Variants in PKHD1 observed in about 807,000 individuals in gnomAD.
PKHD1 encodes the protein PKHD1 ciliary IPT domain containing fibrocystin/polyductin.
A neutral mutation model predicts 412.0 loss-of-function variants in PKHD1; 291 were observed. The ratio of observed to expected loss-of-function variants is 0.71; its 90% CI spans 0.64 to 0.78. The LOEUF (loss-of-function observed/expected upper bound fraction) is 0.78, where lower values mean the gene tolerates loss of function less well. PKHD1 is among the 30% of genes least tolerant of loss of function. The probability of loss-of-function intolerance (pLI) is 0.00; values close to 1 mark genes in which losing one functional copy is unlikely to be tolerated. For missense variants in PKHD1, 4,825 were observed against 4,950.7 expected, an observed-to-expected ratio of 0.97 and a Z score of 0.76; for synonymous variants, 1,777 against 1,821.5, an observed-to-expected ratio of 0.98 and a Z score of 0.62.
chr6:51,929,862 T>C (rs1046844455), intron 37 of PKHD1, among the ~76,000 whole-genome samples: 1 of 152,226 alleles, frequency 6.6e-6, no homozygotes, highest in African/African-American at 2.4e-5. Context: ...CTATATCTTG[T>C]AATTTCTTGA....
At position 51,909,272 on chromosome 6, in the gene PKHD1, G is replaced by T; in HGVS notation, c.6682+11C>A. The T allele has an allele frequency of 6.2e-7, 1 of 1,607,834 alleles. No homozygotes were observed. Among genetic ancestry groups the T allele is most frequent in the African/African-American group, 1.3e-5 (1 of 74,880 alleles). On this transcript the variant is annotated intron_variant, in intron 40 of 66. Coordinates refer to ENST00000371117, the MANE Select transcript of PKHD1 (RefSeq NM_138694.4). ...GAAACATGAGAAAGTCCTAGGTCCG[G>T]ACCCCCTTACCTCTCATAGCTCCCA...
At chr6:51,920,442 A>G (rs1267753062) in intron 37 of PKHD1, among the ~76,000 whole-genome samples, 1 of 152,084 alleles carries the variant, frequency 6.6e-6, no homozygotes, top group Non-Finnish European at 1.5e-5. Context: ...TGATTTGCGT[A>G]TATTGAACCA....
chr6:51,789,383 T>C (rs550401840), intron 53 of PKHD1, among the ~76,000 whole-genome samples: 3 of 152,206 alleles, frequency 2.0e-5, no homozygotes, highest in African/African-American at 7.2e-5. Flanking sequence ...TGCTTAACAA[T>C]AGAAACATGG....
At chr6:51,798,882 C>T (rs557399394) in intron 52 of PKHD1, among the ~76,000 whole-genome samples, 59 of 152,268 alleles carry the variant, frequency 3.9e-4, no homozygotes, top group African/African-American at 1.4e-3. Flanking sequence ...CCACAGAGTA[C>T]TCACACATAC....
intron 63 of PKHD1, among the ~76,000 whole-genome samples, chr6:51,643,170 G>A (rs1208918645): frequency 6.6e-6 from 1 of 152,204 alleles, no homozygotes; most frequent in African/African-American, 2.4e-5. Flanking sequence ...AAATGGCACT[G>A]AAAAATGAAC....
intron 37 of PKHD1, among the ~76,000 whole-genome samples, chr6:51,919,571 C>T (rs1340665863): frequency 6.6e-6 from 1 of 152,216 alleles, no homozygotes; most frequent in Admixed American, 6.5e-5. Context: ...ATGATGCCTC[C>T]AGCTTTGTTC....
intron 56 of PKHD1, 119 bp downstream of exon 56, chr6:51,754,665 A>G: frequency 1.2e-6 from 1 of 828,938 alleles, no homozygotes; most frequent in South Asian, 1.4e-5. Flanking sequence ...GTCTAGGTCA[A>G]CAGGAAGGCA....
At chr6:51,769,086 C>T (rs1055977575) in intron 55 of PKHD1, among the ~76,000 whole-genome samples, 5 of 145,758 alleles carry the variant, frequency 3.4e-5, no homozygotes, top group Admixed American at 2.0e-4. Flanking sequence ...TTGTTTGTTG[C>T]TTTTTTATTT....
At chr6:51,726,918 T>C (rs1470715054) in intron 60 of PKHD1, among the ~76,000 whole-genome samples, 1 of 152,176 alleles carries the variant, frequency 6.6e-6, no homozygotes, top group Non-Finnish European at 1.5e-5. Flanking sequence ...GATCTTAAAG[T>C]AGGAAGACTA....
chr6:51,668,651 T>G (rs1477250444), intron 60 of PKHD1, among the ~76,000 whole-genome samples: 10 of 151,742 alleles, frequency 6.6e-5, no homozygotes, highest in South Asian at 4.2e-4. Context: ...CTTCCAATTT[T>G]TGCCCATTCA....
intron 55 of PKHD1, among the ~76,000 whole-genome samples, chr6:51,771,386 C>A (rs1790103415): frequency 6.6e-6 from 1 of 152,036 alleles, no homozygotes; most frequent in African/African-American, 2.4e-5. Flanking sequence ...CTTTGGGAGG[C>A]CAAGACGGGT....
chr6:51,906,931 A>G (rs1413365012), intron 40 of PKHD1, among the ~76,000 whole-genome samples: 1 of 152,094 alleles, frequency 6.6e-6, no homozygotes, highest in African/African-American at 2.4e-5. Context: ...CAATTAGGAA[A>G]ATCATTACAC....
rs138471724 is a variant in PKHD1 at position 51,735,403 on chromosome 6, A to G, written c.10156+8982T>C. On this transcript the variant is annotated intron_variant, in intron 60 of 66. Coordinates refer to ENST00000371117, the MANE Select transcript of PKHD1 (RefSeq NM_138694.4). ...TGAGAGTATTTATAAACTATTTAGCATAATGCCTGGCACATGGAATGCACT... is the reference window on the plus strand; with the variant it reads ...TGAGAGTATTTATAAACTATTTAGCGTAATGCCTGGCACATGGAATGCACT... 4.5e-3 allele frequency among the ~76,000 whole-genome samples: 680 copies of G among 152,334 alleles called. 21 individuals are homozygous for G. The East Asian group carries it at 0.071, about 16-fold the overall frequency.
chr6:51,831,874 A>G (rs982879767), intron 51 of PKHD1, among the ~76,000 whole-genome samples: 6 of 152,148 alleles, frequency 3.9e-5, no homozygotes, highest in African/African-American at 1.4e-4. Flanking sequence ...GGACTGTCCA[A>G]TAGCACATCA....
At chr6:51,624,308 TA>T (rs1766983512) in intron 66 of PKHD1, among the ~76,000 whole-genome samples, 1 of 152,234 alleles carries the variant, frequency 6.6e-6, no homozygotes, top group South Asian at 2.1e-4. Context: ...ATCCATGTTT[TA>T]AAATAGAAAA....
rs779220902 is a variant in PKHD1, at chr6:52,022,801, C to T, written c.5380G>A (p.Val1794Met). The stretch of plus-strand genomic sequence containing the variant: ...ATATGTGTGTGGCATCTTTACTCAC[C>T]ATCCAGGGGCAGAACCAAGCAGCTG... ...AFSCLVLPLDVSLAFLCGLKR... is the reference protein window; with the variant it reads ...AFSCLVLPLDMSLAFLCGLKR... Residue 1794 changes from valine to methionine, a missense_variant and splice_region_variant, in exon 33 of 67, where the codon GTG becomes ATG. Physicochemically the swap from Val to Met is conservative, Grantham distance 21. Transcript: ENST00000371117. 1 of 1,613,838 alleles carries T rather than the reference C, an allele frequency of 6.2e-7. No individual in the cohort carries two copies. Among genetic ancestry groups the T allele is most frequent in the Non-Finnish European group, 8.5e-7 (1 of 1,179,910 alleles).
At chr6:51,894,035 G>A (rs892298670) in intron 43 of PKHD1, among the ~76,000 whole-genome samples, 2 of 152,220 alleles carry the variant, frequency 1.3e-5, no homozygotes, top group African/African-American at 2.4e-5. Context: ...CTTGCTGTTT[G>A]AGAGCAAAGA....
intron 61 of PKHD1, among the ~76,000 whole-genome samples, chr6:51,650,468 T>C (rs1210654016): frequency 1.4e-5 from 2 of 147,502 alleles, no homozygotes; most frequent in East Asian, 4.0e-4. Flanking sequence ...ATTTTTAAAG[T>C]AGCCTACTTT....
At chr6:51,620,918 T>G (rs1008201230) in intron 66 of PKHD1, among the ~76,000 whole-genome samples, 51 of 152,046 alleles carry the variant, frequency 3.4e-4, no homozygotes, top group African/African-American at 1.2e-3. Flanking sequence ...ATTCACATTT[T>G]CTGTCTCCTG....
Sources: gnomAD v4.1 joint callset for allele counts (sites outside exome capture counted in the v4.1 genomes callset) on GRCh38, gnomAD v4.1.1 for gene constraint, MANE v1.5 for transcripts, NCBI Gene and HGNC (gene_info 2026-07-23, HGNC 2026-07-21) for gene names.